Variants in PARD3B observed in about 807,000 individuals in gnomAD.
PARD3B encodes the protein partitioning defective 3 homolog B.
A neutral mutation model predicts 130.2 loss-of-function variants in PARD3B; 103 were observed. The ratio of observed to expected loss-of-function variants is 0.79; its 90% CI spans 0.67 to 0.93. The LOEUF (loss-of-function observed/expected upper bound fraction) is 0.93, where lower values mean the gene tolerates loss of function less well. PARD3B is among the 40% of genes least tolerant of loss of function. The pLI is 0.00. For missense variants in PARD3B, 1,609 were observed against 1,499.2 expected (o/e 1.07, Z -1.21); for synonymous variants, 583 against 553.2 (o/e 1.05, Z -0.76).
At chr2:204,883,417 A>T (rs1222120637) in intron 2 of PARD3B, among the ~76,000 whole-genome samples, 130 of 105,890 alleles carry the variant, frequency 1.2e-3, no homozygotes, top group African/African-American at 2.2e-3. Flanking sequence ...ATATATATAT[A>T]ATATATATAT....
At chr2:204,826,160 GTAT>G (rs1351383935) in intron 2 of PARD3B, among the ~76,000 whole-genome samples, 5 of 152,182 alleles carry the variant, frequency 3.3e-5, no homozygotes, top group African/African-American at 1.2e-4. Flanking sequence ...ACCTTGAAAA[GTAT>G]TATATAGTTT....
rs1482022668 is a variant in PARD3B at position 205,276,239 on chromosome 2, T to A, written c.2186-24291T>A. On this transcript the variant is annotated intron_variant, in intron 16 of 22. Coordinates refer to ENST00000406610, the MANE Select transcript of PARD3B (RefSeq NM_001302769.2). The surrounding 1 kb of genome is among the most constrained non-coding windows in gnomAD (Gnocchi z 5.0). Reference sequence around the variant, plus strand: ...GAAGAGCATTTAGCAGTCTCATCCCTCTGCCATTCCTTCCTTTTGTAGTGA... The same window carrying A: ...GAAGAGCATTTAGCAGTCTCATCCCACTGCCATTCCTTCCTTTTGTAGTGA... Among the ~76,000 whole-genome samples, 1 of 152,226 alleles carries A rather than the reference T, an allele frequency of 6.6e-6. No homozygotes were observed. Among genetic ancestry groups the A allele is most frequent in the African/African-American group, 2.4e-5 (1 of 41,464 alleles).
intron 18 of PARD3B, among the ~76,000 whole-genome samples, chr2:205,339,975 A>G (rs1479263578): frequency 6.6e-6 from 1 of 152,148 alleles, no homozygotes; most frequent in Non-Finnish European, 1.5e-5. Context: ...TTTAAAATCT[A>G]AGATGAACTT....
At chr2:205,604,073 C>A (rs1451954916) in intron 22 of PARD3B, among the ~76,000 whole-genome samples, 3 of 152,110 alleles carry the variant, frequency 2.0e-5, no homozygotes, top group African/African-American at 7.2e-5. Flanking sequence ...ATTTGCTTGT[C>A]TGGAAAGGAT....
intron 16 of PARD3B, among the ~76,000 whole-genome samples, chr2:205,289,155 C>T (rs1415965070): frequency 6.6e-6 from 1 of 152,070 alleles, no homozygotes; most frequent in Non-Finnish European, 1.5e-5. Flanking sequence ...TTTATTTGGG[C>T]TACTAATAGA....
intron 18 of PARD3B, among the ~76,000 whole-genome samples, chr2:205,345,370 G>A (rs766590238): frequency 1.2e-4 from 19 of 152,230 alleles, no homozygotes; most frequent in Admixed American, 3.3e-4. Flanking sequence ...CAGAAAAATG[G>A]ATGTCTCTTT....
At chr2:204,882,534 C>T (rs933813796) in intron 2 of PARD3B, among the ~76,000 whole-genome samples, 12 of 152,168 alleles carry the variant, frequency 7.9e-5, no homozygotes, top group African/African-American at 2.9e-4. Context: ...CTCCTTCATC[C>T]TTCACAATGA....
rs575139902 is a variant in PARD3B at position 205,569,561 on chromosome 2, T to C, written c.3260+16158T>C. 2.6e-5 allele frequency among the ~76,000 whole-genome samples: 4 copies of C among 152,326 alleles called. No homozygotes were observed. In the South Asian group the frequency reaches 8.3e-4, roughly 32 times the overall value. The stretch of plus-strand genomic sequence containing the variant: ...CAAGCAATATCAACTGACTGTGATA[T>C]TGTTATAACTAAAAAACACATGGTG... On this transcript the variant is annotated intron_variant, in intron 22 of 22. Coordinates refer to ENST00000406610, the MANE Select transcript of PARD3B (RefSeq NM_001302769.2).
intron 15 of PARD3B, among the ~76,000 whole-genome samples, chr2:205,194,653 A>G (rs1316989520): frequency 6.6e-6 from 1 of 152,174 alleles, no homozygotes; most frequent in Non-Finnish European, 1.5e-5. Flanking sequence ...AGCAGCCACT[A>G]TTATGTTTCT....
intron 1 of PARD3B, among the ~76,000 whole-genome samples, chr2:204,674,554 G>A (rs1053600794): frequency 2.0e-5 from 3 of 152,036 alleles, no homozygotes; most frequent in Admixed American, 2.0e-4. Flanking sequence ...GAGGTAGGTG[G>A]TTGCAGTAAA....
intron 22 of PARD3B, among the ~76,000 whole-genome samples, chr2:205,556,115 T>A (rs1193590028): frequency 6.6e-6 from 1 of 152,142 alleles, no homozygotes; most frequent in Non-Finnish European, 1.5e-5. Context: ...GGCGAGCACA[T>A]CTCGGTAGGC....
intron 2 of PARD3B, among the ~76,000 whole-genome samples, chr2:204,930,443 T>G (rs1687949334): frequency 2.0e-5 from 3 of 152,062 alleles, no homozygotes; most frequent in Admixed American, 1.3e-4. Context: ...GTTTAAAATT[T>G]TTATTATTTT....
Position 205,352,749 on chromosome 2 carries a change from C to T in PARD3B, c.2631-48264C>T, listed in dbSNP as rs2044040285. Among the ~76,000 whole-genome samples, 1 of 152,082 alleles carries T rather than the reference C, an allele frequency of 6.6e-6. No homozygotes were observed. Among genetic ancestry groups the T allele is most frequent in the African/African-American group, 2.4e-5 (1 of 41,424 alleles). ...CTAAAGTGTGCTCATAACTTTGCAG[C>T]CATGAGCCATCCCCTTGTCATTTTC... On this transcript the variant is annotated intron_variant, in intron 18 of 22. Transcript: ENST00000406610. This position sits in a 1 kb window ranked among gnomAD's most constrained non-coding sequence, Gnocchi z 5.2.
At chr2:204,909,130 A>G (rs2047141697) in intron 2 of PARD3B, among the ~76,000 whole-genome samples, 1 of 152,190 alleles carries the variant, frequency 6.6e-6, no homozygotes, top group South Asian at 2.1e-4. Flanking sequence ...CATGCAGATC[A>G]TCAACCTTAA....
At chr2:205,204,258 G>A (rs1252336116) in intron 15 of PARD3B, among the ~76,000 whole-genome samples, 3 of 152,192 alleles carry the variant, frequency 2.0e-5, no homozygotes, top group African/African-American at 7.2e-5. Context: ...CTTCTTTTGA[G>A]AAGTGTCTGT....
chr2:204,785,474 CAGCTT>C (rs1261200996), intron 2 of PARD3B, among the ~76,000 whole-genome samples: 1 of 152,158 alleles, frequency 6.6e-6, no homozygotes, highest in African/African-American at 2.4e-5. Context: ...TTTCTGGACT[CAGCTT>C]AGAAGTCAAG....
chr2:204,619,063 CTG>C (rs992521927), intron 1 of PARD3B, among the ~76,000 whole-genome samples: 1 of 152,118 alleles, frequency 6.6e-6, no homozygotes, highest in Admixed American at 6.5e-5. Flanking sequence ...ACTTGATTTT[CTG>C]TCTGACTGTG....
intron 2 of PARD3B, among the ~76,000 whole-genome samples, chr2:204,726,783 C>T (rs2039249580): frequency 6.6e-6 from 1 of 152,172 alleles, no homozygotes; most frequent in Non-Finnish European, 1.5e-5. Context: ...TTTAACTTCA[C>T]ATGTCCCTTC....
intron 2 of PARD3B, among the ~76,000 whole-genome samples, chr2:204,893,524 A>G (rs1316494478): frequency 6.6e-6 from 1 of 152,226 alleles, no homozygotes; most frequent in Non-Finnish European, 1.5e-5. Context: ...TGTCCAAAAG[A>G]AATTGCATGT....
Sources: allele counts gnomAD v4.1 joint callset (sites outside exome capture counted in the v4.1 genomes callset), GRCh38; gene constraint gnomAD v4.1.1; non-coding constraint Gnocchi (gnomAD v3.1); transcripts MANE v1.5; gene names NCBI Gene and HGNC (gene_info 2026-07-23, HGNC 2026-07-21).